POM121: variants seen among roughly 807,000 people sequenced by gnomAD.
POM121 encodes nuclear envelope pore membrane protein POM 121.
Under a neutral mutation model 81.3 loss-of-function variants are expected in POM121, and 32 were observed. The ratio of observed to expected loss-of-function variants is 0.39; its 90% CI spans 0.30 to 0.53. POM121 has a LOEUF of 0.53. POM121 is among the 20% of genes least tolerant of loss of function. POM121 has a pLI of 0.66. For missense variants in POM121, 1,138 were observed against 1,614.6 expected (o/e 0.70, Z 5.06); for synonymous variants, 514 against 694.2 (o/e 0.74, Z 4.08).
chr7:72,923,928 T>A (rs534302883), upstream of POM121, among the ~76,000 whole-genome samples: 50 of 147,458 alleles, frequency 3.4e-4, no homozygotes, highest in African/African-American at 1.3e-3. Flanking sequence ...GTTATCACAC[T>A]GATAACACTG....
intron 3 of POM121, among the ~76,000 whole-genome samples, chr7:72,913,301 C>A (rs149532447): frequency 1.3e-5 from 2 of 152,344 alleles, no homozygotes; most frequent in East Asian, 3.9e-4. Context: ...TCGGGACATG[C>A]CGTGTGCCGT....
intron 3 of POM121, among the ~76,000 whole-genome samples, chr7:72,911,327 G>T (rs1266859383): frequency 6.6e-6 from 1 of 152,244 alleles, no homozygotes; most frequent in African/African-American, 2.4e-5. Flanking sequence ...AATTAGAAGA[G>T]AAATGTAATG....
chr7:72,880,947 T>C (rs1316567331), intron 1 of POM121, among the ~76,000 whole-genome samples: 1 of 107,844 alleles, frequency 9.3e-6, no homozygotes, highest in African/African-American at 3.0e-5. Context: ...TTTTGCACCT[T>C]GTATTTGATG....
At chr7:72,921,578 A>C (rs2129577244), upstream of POM121, among the ~76,000 whole-genome samples, 1 of 152,324 alleles carries the variant, frequency 6.6e-6, no homozygotes, top group African/African-American at 2.4e-5. Flanking sequence ...CCTTACACTT[A>C]GGGATCAGTC....
chr7:72,879,536 G>C (rs1441114596), exon 1 of POM121: 1 of 263,478 alleles, frequency 3.8e-6, no homozygotes, highest in Non-Finnish European at 7.4e-6. Context: ...GGCTCGAGCC[G>C]GGACCCCCGA....
intron 1 of POM121, among the ~76,000 whole-genome samples, chr7:72,889,230 G>T (rs1247941803): frequency 6.6e-6 from 1 of 152,198 alleles, no homozygotes; most frequent in Non-Finnish European, 1.5e-5. Flanking sequence ...GCCTGCCTGT[G>T]GATAAGCTTG....
chr7:72,893,526 G>C (rs1342932614), intron 3 of POM121, among the ~76,000 whole-genome samples: 1 of 152,126 alleles, frequency 6.6e-6, no homozygotes, highest in East Asian at 2.0e-4. Context: ...AGAGCTTGCA[G>C]TGAGCGGAGA....
intron 3 of POM121, among the ~76,000 whole-genome samples, chr7:72,907,483 C>G (rs1195928350): frequency 3.3e-5 from 5 of 151,120 alleles, no homozygotes; most frequent in African/African-American, 1.2e-4. Context: ...ACTTTTTCTT[C>G]TGAAAAAAAA....
Position 72,943,190 on chromosome 7 carries a change from G to C in POM121, c.3197G>C (p.Gly1066Ala). ...GGCGGCTCCACTGCTGTCTTCTTCG[G>C]TGCAGCCACCAGCTCCGGCTTTGGA... Reference protein sequence around the residue: ...AFGGSTAVFFGAATSSGFGAT... With the variant: ...AFGGSTAVFFAAATSSGFGAT... The change falls in exon 11 of 13, where the codon GGT (glycine) becomes GCT (alanine). Residue 1066 changes from glycine to alanine, a missense_variant. By Grantham distance (60) the Gly-to-Ala change is moderately conservative. Coordinates refer to ENST00000434423, the MANE Select transcript of POM121 (RefSeq NM_001387691.1). 6.2e-7 allele frequency: 1 copy of C among 1,613,136 alleles called. No individual in the cohort carries two copies. Among genetic ancestry groups the C allele is most frequent in the Middle Eastern group, 1.7e-4 (1 of 5,880 alleles).
intron 3 of POM121, among the ~76,000 whole-genome samples, chr7:72,895,447 C>G (rs1791846064): frequency 6.6e-6 from 1 of 152,156 alleles, no homozygotes; most frequent in Admixed American, 6.6e-5. Flanking sequence ...AGACAGCTGT[C>G]TCCATTTTTC....
At chr7:72,916,789 A>G (rs1221078726) in intron 4 of POM121, among the ~76,000 whole-genome samples, 4 of 152,170 alleles carry the variant, frequency 2.6e-5, no homozygotes, top group Non-Finnish European at 5.9e-5. Context: ...GATTCTTCCT[A>G]TCTATGAGCA....
intron 5 of POM121, among the ~76,000 whole-genome samples, chr7:72,935,031 G>T: frequency 1.4e-5 from 2 of 146,622 alleles, no homozygotes; most frequent in Non-Finnish European, 1.5e-5. Context: ...AGATCAACTT[G>T]TCAATTTCCA....
chr7:72,922,069 A>C (rs2129577288), upstream of POM121, among the ~76,000 whole-genome samples: 1 of 152,290 alleles, frequency 6.6e-6, no homozygotes, highest in Admixed American at 6.5e-5. Flanking sequence ...GATCTTGTTA[A>C]ATTAATTTTT....
intron 2 of POM121, 49 bp downstream of exon 2, chr7:72,926,526 T>C: frequency 1.2e-6 from 2 of 1,608,354 alleles, no homozygotes; most frequent in Non-Finnish European, 1.7e-6. Context: ...GTCCACTTTA[T>C]TCTTCTCCAG....
At chr7:72,927,177 G>C (rs187699228) in intron 3 of POM121, among the ~76,000 whole-genome samples, 2 of 152,154 alleles carry the variant, frequency 1.3e-5, no homozygotes, top group South Asian at 4.1e-4. Context: ...TACCTTTTCC[G>C]TGAGTAGTAG....
chr7:72,895,274 C>G (rs1271024847), intron 3 of POM121, among the ~76,000 whole-genome samples: 20 of 152,132 alleles, frequency 1.3e-4, no homozygotes, highest in African/African-American at 4.6e-4. Context: ...TTGTATGTAC[C>G]TTTTTCATAC....
chr7:72,926,952 A>G lies in POM121; in HGVS notation c.1011A>G (p.Glu337=), dbSNP rs140853733. ...EEDQIFLDGQ[E]NKRRRHDSSG... The stretch of plus-strand genomic sequence containing the variant: ...ACCAAATATTCCTTGATGGCCAGGA[A>G]AATAAAAGAAGGTAACAGGCTCAGG... The change falls in exon 3 of 13, where the codon GAA becomes GAG. Residue 337 remains glutamate (E), a synonymous_variant. Transcript: ENST00000434423. 2 of 1,613,880 alleles carry G rather than the reference A, an allele frequency of 1.2e-6. No homozygotes were observed. The highest frequency in any genetic ancestry group is 2.7e-5 in the African/African-American group (2 of 74,924).
At chr7:72,905,005 C>A (rs1357642515) in intron 3 of POM121, among the ~76,000 whole-genome samples, 8 of 152,172 alleles carry the variant, frequency 5.3e-5, no homozygotes, top group South Asian at 2.1e-4. Context: ...CCCTCCTTGA[C>A]CCCTGGGGAT....
At chr7:72,915,667 G>A (rs782212308) in intron 4 of POM121, among the ~76,000 whole-genome samples, 4 of 151,964 alleles carry the variant, frequency 2.6e-5, no homozygotes, top group East Asian at 1.9e-4. Flanking sequence ...GAGCCACTGC[G>A]CCCAAGCTTT....
Sources: allele counts gnomAD v4.1 joint callset (sites outside exome capture counted in the v4.1 genomes callset), GRCh38; gene constraint gnomAD v4.1.1; transcripts MANE v1.5; gene names NCBI Gene and HGNC (gene_info 2026-07-23, HGNC 2026-07-21).